Variants in WDR17 observed in about 807,000 individuals in gnomAD.
The protein encoded by WDR17 is WD repeat-containing protein 17.
A neutral mutation model predicts 161.7 loss-of-function variants in WDR17; 143 were observed. The ratio of observed to expected loss-of-function variants is 0.88; its 90% CI spans 0.77 to 1.02. The LOEUF is 1.02. Among genes scored for constraint, WDR17 ranks in the 50% least tolerant of loss-of-function variants. WDR17 has a pLI of 0.00. For missense variants in WDR17, 1,469 were observed against 1,520.9 expected, an observed-to-expected ratio of 0.97 and a Z score of 0.57; for synonymous variants, 517 against 515.6, an observed-to-expected ratio of 1.00 and a Z score of -0.04.
intron 1 of WDR17, among the ~76,000 whole-genome samples, chr4:176,084,092 C>A (rs1012412487): frequency 6.6e-6 from 1 of 151,850 alleles, no homozygotes; most frequent in Admixed American, 6.6e-5. Context: ...ACATTTTCTC[C>A]CTTGCCTTTC....
At chr4:176,069,091 G>T (rs10016239) in intron 1 of WDR17, among the ~76,000 whole-genome samples, 4,679 of 152,042 alleles carry the variant, frequency 0.031, 199 homozygotes, top group African/African-American at 0.097. Context: ...AGTTCAGGTT[G>T]TTTTCATCTG....
At chr4:176,153,352 T>C (rs1747545593) in intron 17 of WDR17, among the ~76,000 whole-genome samples, 1 of 152,190 alleles carries the variant, frequency 6.6e-6, no homozygotes, top group East Asian at 1.9e-4. Context: ...GATTGTTTAA[T>C]GGAGGGCTAA....
chr4:176,142,045 G>T lies in WDR17; in HGVS notation c.1505G>T (p.Gly502Val). Reference sequence around the variant, plus strand: ...TATAAACATCCAGCTGCAGTGTTTGGTTGTGATTGGAGCCAAAACAATAAG... The same window carrying T: ...TATAAACATCCAGCTGCAGTGTTTGTTTGTGATTGGAGCCAAAACAATAAG... ...HKYKHPAAVFGCDWSQNNKDM... is the reference protein window; with the variant it reads ...HKYKHPAAVFVCDWSQNNKDM... Residue 502 changes from glycine to valine, a missense_variant, in exon 11 of 29, where the codon GGT becomes GTT. Gly to Val is a moderately radical substitution (Grantham distance 109). Transcript: ENST00000508596. 6.2e-7 allele frequency: 1 copy of T among 1,610,660 alleles called. No homozygotes were observed. Among genetic ancestry groups the T allele is most frequent in the Non-Finnish European group, 8.5e-7 (1 of 1,178,132 alleles).
intron 1 of WDR17, among the ~76,000 whole-genome samples, chr4:176,099,097 A>G (rs1213957926): frequency 1.3e-5 from 2 of 152,176 alleles, no homozygotes; most frequent in Non-Finnish European, 2.9e-5. Flanking sequence ...ATAAATAAGC[A>G]GAGAAACTGC....
At chr4:176,084,495 T>A (rs962047776) in intron 1 of WDR17, among the ~76,000 whole-genome samples, 1 of 151,890 alleles carries the variant, frequency 6.6e-6, no homozygotes, top group Non-Finnish European at 1.5e-5. Context: ...CCTCCAACAT[T>A]GTGATCAAAT....
intron 1 of WDR17, among the ~76,000 whole-genome samples, chr4:176,092,400 T>C (rs923064471): frequency 1.3e-5 from 2 of 150,018 alleles, no homozygotes; most frequent in African/African-American, 4.9e-5. Context: ...CATTCCTTCA[T>C]GATAAAAACC....
rs973046199 is a variant in WDR17, at chr4:176,131,742, T to G, written c.1098+4T>G. On this transcript the variant is annotated splice_donor_region_variant and intron_variant, in intron 7 of 28. Coordinates refer to ENST00000508596, the MANE Select transcript of WDR17 (RefSeq NM_181265.4). ...GTGGGATTTTCTTAGAGACTTGGTATGTATGTAGTCATTCCTTTATTATAC... is the reference window on the plus strand; with the variant it reads ...GTGGGATTTTCTTAGAGACTTGGTAGGTATGTAGTCATTCCTTTATTATAC... 2.5e-6 allele frequency: 4 copies of G among 1,605,362 alleles called. No homozygotes were observed. Among genetic ancestry groups the G allele is most frequent in the South Asian group, 1.1e-5 (1 of 89,248 alleles).
intron 25 of WDR17, among the ~76,000 whole-genome samples, chr4:176,173,753 G>T (rs2126888562): frequency 6.6e-6 from 1 of 152,010 alleles, no homozygotes; most frequent in East Asian, 1.9e-4. Context: ...CTGACCTCGT[G>T]ATCCACCCAC....
intron 3 of WDR17, among the ~76,000 whole-genome samples, chr4:176,118,055 G>A (rs1436457770): frequency 2.0e-5 from 3 of 151,802 alleles, no homozygotes; most frequent in Non-Finnish European, 4.4e-5. Flanking sequence ...CCATTTAAAT[G>A]AAAATGCATA....
chr4:176,125,046 T>C (rs1396370020), intron 4 of WDR17, 58 bp from the exon 5 acceptor site: 3 of 1,578,284 alleles, frequency 1.9e-6, no homozygotes, highest in East Asian at 2.2e-5. Flanking sequence ...TAGCATCATC[T>C]AAATTATTGA....
intron 2 of WDR17, among the ~76,000 whole-genome samples, chr4:176,114,702 A>G (rs937529173): frequency 1.3e-5 from 2 of 151,432 alleles, no homozygotes; most frequent in African/African-American, 4.9e-5. Flanking sequence ...TGCTCTACAG[A>G]GGCTGAAAAA....
intron 1 of WDR17, among the ~76,000 whole-genome samples, chr4:176,108,651 CTT>C (rs957718285): frequency 1.8e-4 from 28 of 151,686 alleles, no homozygotes; most frequent in African/African-American, 5.6e-4. Flanking sequence ...AGTGGGGAAA[CTT>C]GTGTTATGGG....
At chr4:176,079,633 C>T (rs898147910) in intron 1 of WDR17, among the ~76,000 whole-genome samples, 2 of 152,044 alleles carry the variant, frequency 1.3e-5, no homozygotes, top group Admixed American at 1.3e-4. Context: ...TTCTTTATAC[C>T]TACATACATA....
chr4:176,156,695 T>A lies in WDR17; in HGVS notation c.2525+552T>A, dbSNP rs973160851. Among the ~76,000 whole-genome samples, 1,093 of 150,386 alleles carry A rather than the reference T, an allele frequency of 7.3e-3. 17 individuals carry two copies. Among genetic ancestry groups the A allele is most frequent in the African/African-American group, 0.025 (1,027 of 40,788 alleles). The stretch of plus-strand genomic sequence containing the variant: ...GTTGCCGTAAAAAAAAAAAAAAAAA[T>A]TACCATAAAATGGGTGGCCTAAAAC... On this transcript the variant is annotated intron_variant, in intron 18 of 28. Transcript: ENST00000508596.
At chr4:176,140,163 G>T (rs1745027901) in intron 10 of WDR17, among the ~76,000 whole-genome samples, 189 bp downstream of exon 10, 1 of 151,910 alleles carries the variant, frequency 6.6e-6, no homozygotes, top group Non-Finnish European at 1.5e-5. Context: ...CAATGCAAGG[G>T]TATTTAAAAT....
chr4:176,113,926 C>A (rs1740188218), intron 2 of WDR17, among the ~76,000 whole-genome samples: 1 of 151,948 alleles, frequency 6.6e-6, no homozygotes, highest in African/African-American at 2.4e-5. Context: ...TGTAATTGTA[C>A]AGTTCAATAT....
chr4:176,172,172 TA>T (rs1455232574), intron 23 of WDR17, among the ~76,000 whole-genome samples: 3 of 152,210 alleles, frequency 2.0e-5, no homozygotes, highest in African/African-American at 7.2e-5. Context: ...ACTCATTAAC[TA>T]ATATCCCCTC....
intron 18 of WDR17, among the ~76,000 whole-genome samples, chr4:176,157,128 A>G (rs1213849926): frequency 6.6e-6 from 1 of 152,210 alleles, no homozygotes; most frequent in African/African-American, 2.4e-5. Context: ...CCTACAATGT[A>G]TCATTATTCT....
At chr4:176,132,973 A>G (rs1743711105) in intron 7 of WDR17, among the ~76,000 whole-genome samples, 1 of 151,684 alleles carries the variant, frequency 6.6e-6, no homozygotes, top group South Asian at 2.1e-4. Context: ...CACTGGGTTG[A>G]GTCACTAAAT....
Sources: gnomAD v4.1 joint callset for allele counts (sites outside exome capture counted in the v4.1 genomes callset) on GRCh38, gnomAD v4.1.1 for gene constraint, MANE v1.5 for transcripts, NCBI Gene and HGNC (gene_info 2026-07-23, HGNC 2026-07-21) for gene names.